Variants in KDM4C observed in about 807,000 individuals in gnomAD.
KDM4C encodes the protein lysine demethylase 4C.
In KDM4C, 81 loss-of-function variants were observed where a neutral mutation model predicts 129.3. That is an observed-to-expected ratio of 0.63 (90% confidence interval 0.52 to 0.75). The LOEUF (loss-of-function observed/expected upper bound fraction) is 0.75, where lower values mean the gene tolerates loss of function less well. Ranked by LOEUF, KDM4C falls within the 30% of genes least tolerant of loss-of-function variation. The pLI is 0.00. For synonymous variants in KDM4C, 573 were observed against 456.1 expected (o/e 1.26, Z -3.26); for missense variants, 1,457 against 1,304.0 (o/e 1.12, Z -1.81).
chr9:6,991,317 C>G (rs1818705599), intron 12 of KDM4C, among the ~76,000 whole-genome samples: 1 of 152,186 alleles, frequency 6.6e-6, no homozygotes, highest in Non-Finnish European at 1.5e-5. Flanking sequence ...CTCCTGAGCT[C>G]AAGCATTTCT....
chr9:6,897,476 T>G (rs1816653560), intron 8 of KDM4C, among the ~76,000 whole-genome samples: 1 of 152,194 alleles, frequency 6.6e-6, no homozygotes, highest in African/African-American at 2.4e-5. Flanking sequence ...AAAAGGGCCT[T>G]GCATTTAGCA....
intron 8 of KDM4C, among the ~76,000 whole-genome samples, chr9:6,971,618 A>G (rs1351993772): frequency 2.6e-5 from 4 of 152,202 alleles, no homozygotes; most frequent in Non-Finnish European, 4.4e-5. Context: ...AAGTGTATGC[A>G]TAGTTAGAAA....
At chr9:6,834,734 C>G in intron 4 of KDM4C, 1 of 965,156 alleles carries the variant, frequency 1.0e-6, no homozygotes, top group African/African-American at 1.6e-5. Context: ...CTAAAGGGAG[C>G]TGCATGTGGT....
rs953909817 is a variant in KDM4C at position 7,021,732 on chromosome 9, G to T, written c.2259+5803G>T. On this transcript the variant is annotated intron_variant, in intron 15 of 21. Coordinates refer to ENST00000381309, the MANE Select transcript of KDM4C (RefSeq NM_015061.6). ...GTATTACTCAAGAAATTTTTGCCCAGACCAGTATTCTGGAGAGTTTCCCAA... is the reference window on the plus strand; with the variant it reads ...GTATTACTCAAGAAATTTTTGCCCATACCAGTATTCTGGAGAGTTTCCCAA... 3.3e-5 allele frequency among the ~76,000 whole-genome samples: 5 copies of T among 152,112 alleles called. No individual in the cohort carries two copies. The East Asian group carries it at 5.8e-4, about 18-fold the overall frequency.
intron 5 of KDM4C, among the ~76,000 whole-genome samples, chr9:6,851,734 G>T (rs564758459): frequency 2.0e-5 from 3 of 152,258 alleles, no homozygotes; most frequent in East Asian, 3.9e-4. Context: ...TGGCTGTCTT[G>T]TCTTCTCCTG....
At chr9:7,104,978 G>A (rs1287503201) in intron 18 of KDM4C, among the ~76,000 whole-genome samples, 1 of 145,120 alleles carries the variant, frequency 6.9e-6, no homozygotes, top group Non-Finnish European at 1.5e-5. Context: ...ACAAAATGAT[G>A]TCACCAACTG....
chr9:6,856,573 T>TGC (rs1250038236), intron 5 of KDM4C, among the ~76,000 whole-genome samples: 1 of 137,204 alleles, frequency 7.3e-6, no homozygotes. Context: ...TGTGTGTGTG[T>TGC]GTGTGTGTAT....
chr9:6,811,033 T>C (rs1831047826), intron 3 of KDM4C, among the ~76,000 whole-genome samples: 1 of 152,228 alleles, frequency 6.6e-6, no homozygotes, highest in African/African-American at 2.4e-5. Flanking sequence ...AGGAAATGGA[T>C]TTCTAAGCCT....
chr9:7,029,295 T>A (rs1427706471), intron 15 of KDM4C, among the ~76,000 whole-genome samples: 1 of 19,578 alleles, frequency 5.1e-5, no homozygotes, highest in Non-Finnish European at 9.4e-5. Flanking sequence ...CCCCCACCGT[T>A]TTTTTTTTTT....
chr9:6,754,102 C>A (rs1377020081), upstream of KDM4C, among the ~76,000 whole-genome samples: 1 of 151,980 alleles, frequency 6.6e-6, no homozygotes, highest in Non-Finnish European at 1.5e-5. Context: ...TCTCGATCTC[C>A]TGACCTCAGG....
At chr9:7,022,182 C>T (rs939495779) in intron 15 of KDM4C, among the ~76,000 whole-genome samples, 14 of 151,892 alleles carry the variant, frequency 9.2e-5, no homozygotes, top group African/African-American at 3.4e-4. Context: ...TTTTCTATTT[C>T]TGTGAAGAAT....
chr9:7,168,084 A>G lies in KDM4C; in HGVS notation c.2902-1714A>G, dbSNP rs539505461. On this transcript the variant is annotated intron_variant, in intron 20 of 21. Transcript: ENST00000381309. Reference sequence around the variant, plus strand: ...ATGCTTATAATTACAGCTACTTGAGAGGCTGAGGCAGAAGAATCACTTGAA... The same window carrying G: ...ATGCTTATAATTACAGCTACTTGAGGGGCTGAGGCAGAAGAATCACTTGAA... 1.1e-3 allele frequency among the ~76,000 whole-genome samples: 166 copies of G among 152,284 alleles called. 3 individuals are homozygous for G. In the South Asian group the frequency reaches 0.033, roughly 30 times the overall value.
intron 1 of KDM4C, among the ~76,000 whole-genome samples, chr9:6,737,836 C>A (rs951828220): frequency 1.3e-5 from 2 of 151,536 alleles, no homozygotes; most frequent in Non-Finnish European, 2.9e-5. Flanking sequence ...ATTAAAAAGT[C>A]AAAAAATGAC....
chr9:6,807,767 A>C (rs1830306455), intron 3 of KDM4C, among the ~76,000 whole-genome samples: 3 of 138,796 alleles, frequency 2.2e-5, no homozygotes, highest in African/African-American at 5.6e-5. Flanking sequence ...TCCGCCCGGC[A>C]GCCACCCCGT....
At chr9:6,829,829 C>G (rs1298315555) in intron 4 of KDM4C, among the ~76,000 whole-genome samples, 1 of 152,150 alleles carries the variant, frequency 6.6e-6, no homozygotes, top group Admixed American at 6.5e-5. Flanking sequence ...ATTGGAAGCC[C>G]AGTTCCTGCT....
intron 5 of KDM4C, among the ~76,000 whole-genome samples, chr9:6,856,394 C>A (rs1222740194): frequency 6.6e-6 from 1 of 152,032 alleles, no homozygotes; most frequent in Non-Finnish European, 1.5e-5. Flanking sequence ...TAGAATTAAC[C>A]ATGGTTCATT....
chr9:6,991,455 C>T (rs181379298), intron 12 of KDM4C, among the ~76,000 whole-genome samples: 1,879 of 151,948 alleles, frequency 0.012, 46 homozygotes, highest in African/African-American at 0.044. Context: ...ATCCCTGATT[C>T]GTAAGTGTCT....
At chr9:7,158,644 A>G (rs1843452368) in intron 19 of KDM4C, among the ~76,000 whole-genome samples, 1 of 152,048 alleles carries the variant, frequency 6.6e-6, no homozygotes, top group Non-Finnish European at 1.5e-5. Flanking sequence ...CATGTAGTTG[A>G]GCGGTTTTGA....
chr9:7,073,874 G>T (rs1833549931), intron 17 of KDM4C, among the ~76,000 whole-genome samples: 1 of 152,140 alleles, frequency 6.6e-6, no homozygotes, highest in South Asian at 2.1e-4. Flanking sequence ...CCTCAGAGAG[G>T]TGCAGAGAGA....
Sources: gnomAD v4.1 joint callset for allele counts (sites outside exome capture counted in the v4.1 genomes callset) on GRCh38, gnomAD v4.1.1 for gene constraint, MANE v1.5 for transcripts, NCBI Gene and HGNC (gene_info 2026-07-23, HGNC 2026-07-21) for gene names.